ZNF558: variants seen among roughly 807,000 people sequenced by gnomAD.
ZNF558 encodes zinc finger protein 558.
ZNF558 carries 23 observed loss-of-function variants against 37.6 expected under a neutral mutation model. The observed-to-expected ratio is 0.61, with a 90% CI of 0.44 to 0.87. ZNF558 has a LOEUF of 0.87. ZNF558 is among the 40% of genes least tolerant of loss of function. ZNF558 has a pLI of 0.00. For missense variants in ZNF558, 429 were observed against 483.7 expected (o/e 0.89, Z 1.06); for synonymous variants, 189 against 174.4 (o/e 1.08, Z -0.66).
In ZNF558 at chr19:8,813,111, T is replaced by A. The variant is rs781953739; in HGVS notation, c.343+16A>T. 4.5e-6 allele frequency: 7 copies of A among 1,566,584 alleles called. No individual in the cohort carries two copies. The South Asian group carries it at 7.0e-5, about 16-fold the overall frequency. ...GAGCTATTCCTCACAAGGGCTCATA[T>A]CCACCTGGTGCTCACCTGGACAGGT... On this transcript the variant is annotated intron_variant, in intron 8 of 9. Transcript: ENST00000601372.
chr19:8,832,044 C>A (rs2044372247), intron 1 of ZNF558, 165 bp downstream of exon 1: 1 of 152,388 alleles, frequency 6.6e-6, no homozygotes, highest in African/African-American at 2.4e-5. Context: ...GGCGCGGGGC[C>A]CCGACCCAGG....
intron 9 of ZNF558, 101 bp downstream of exon 9, chr19:8,812,460 G>A (rs2043819493): frequency 2.8e-6 from 2 of 708,784 alleles, no homozygotes; most frequent in East Asian, 5.6e-5. Context: ...AATTATAAAT[G>A]ACACTTTCCT....
chr19:8,821,750 T>A, intron 6 of ZNF558: 3 of 1,338,366 alleles, frequency 2.2e-6, no homozygotes, highest in Non-Finnish European at 2.9e-6. Flanking sequence ...CATCACGTCT[T>A]TACTTGGCTT....
chr19:8,821,434 G>A, intron 6 of ZNF558, 128 bp from the exon 7 acceptor site: 1 of 1,570,336 alleles, frequency 6.4e-7, no homozygotes, highest in Non-Finnish European at 8.6e-7. Flanking sequence ...GGGTGGTTCT[G>A]AGCTCACCTC....
chr19:8,822,816 T>C lies in ZNF558; in HGVS notation c.-65-92A>G. On this transcript the variant is annotated intron_variant, in intron 4 of 9. Transcript: ENST00000601372. The surrounding 1 kb of genome is among the most constrained non-coding windows in gnomAD (Gnocchi z 4.4). ...CTCCTCAACCCATCCTTCCCATCCTTCTTCAAATGCAAGTTCCGGCTTCCA... is the reference window on the plus strand; with the variant it reads ...CTCCTCAACCCATCCTTCCCATCCTCCTTCAAATGCAAGTTCCGGCTTCCA... 1 of 1,156,998 alleles carries C rather than the reference T, an allele frequency of 8.6e-7. No individual in the cohort carries two copies. The allele number at this position is 1,156,998 out of a possible 1,614,324, so 71.7% of individuals were successfully genotyped here. A position where few individuals can be genotyped will look rare whatever the true frequency, so the allele number is the denominator to read the frequency against.
chr19:8,828,708 T>C (rs1362374456), intron 2 of ZNF558, among the ~76,000 whole-genome samples: 3 of 152,156 alleles, frequency 2.0e-5, no homozygotes, highest in Non-Finnish European at 4.4e-5. Flanking sequence ...ATGTCTGTAA[T>C]CCCAGCACTT....
Position 8,811,482 on chromosome 19 carries a change from A to G in ZNF558, c.1008T>C (p.Thr336=). The part of the protein sequence containing the change: ...GKSFSSSFSL[T]VHKRIHTGEK... ...CTCCGGTATGTATTCTCTTGTGCAC[A>G]GTAAGAGAAAAGCTACTGCTGAAGG... The change falls in exon 10 of 10, where the codon ACT becomes ACC. Residue 336 remains threonine, a synonymous_variant. Coordinates refer to ENST00000601372, the MANE Select transcript of ZNF558 (RefSeq NM_144693.3). 1.9e-6 allele frequency: 3 copies of G among 1,614,140 alleles called. No homozygotes were observed. The highest frequency in any genetic ancestry group is 2.5e-6 in the Non-Finnish European group (3 of 1,179,992).
chr19:8,829,370 G>A (rs780672729), intron 2 of ZNF558, among the ~76,000 whole-genome samples: 3 of 151,980 alleles, frequency 2.0e-5, no homozygotes, highest in Non-Finnish European at 4.4e-5. Context: ...TCTATCTATC[G>A]TAGCAACCCT....
At position 8,822,865 on chromosome 19, in the gene ZNF558, C is replaced by G; in HGVS notation, c.-65-141G>C. ...CACACTGGGCCTTTATTTTGCTGAG[C>G]AGGCAATGAATTCAGGGCCACCTGA... is the stretch of plus-strand genomic sequence containing the variant. On this transcript the variant is annotated intron_variant, in intron 4 of 9. Coordinates refer to ENST00000601372, the MANE Select transcript of ZNF558 (RefSeq NM_144693.3). This position sits in a 1 kb window ranked among gnomAD's most constrained non-coding sequence, Gnocchi z 4.4. 1 of 746,010 alleles carries G rather than the reference C, an allele frequency of 1.3e-6. No individual in the cohort carries two copies. The highest frequency in any genetic ancestry group is 1.8e-5 in the South Asian group (1 of 56,664). The allele number at this position is 746,010 out of a possible 1,614,324, so 46.2% of individuals were successfully genotyped here. A position where few individuals can be genotyped will look rare whatever the true frequency, so the allele number is the denominator to read the frequency against.
rs193116581 is a variant in ZNF558, at chr19:8,816,386, T to C, written c.248-3164A>G. Among the ~76,000 whole-genome samples the C allele has an allele frequency of 2.4e-4, 37 of 152,202 alleles. 1 individual carries two copies. The highest frequency in any genetic ancestry group is 2.0e-3 in the Admixed American group (31 of 15,278). ...CATCAAACACATATTAATCAAACTGTTGAAAGACAAAGGCAGCATCCTAAA... is the reference window on the plus strand; with the variant it reads ...CATCAAACACATATTAATCAAACTGCTGAAAGACAAAGGCAGCATCCTAAA... On this transcript the variant is annotated intron_variant, in intron 7 of 9. Coordinates refer to ENST00000601372, the MANE Select transcript of ZNF558 (RefSeq NM_144693.3).
intron 7 of ZNF558, among the ~76,000 whole-genome samples, chr19:8,818,544 CA>C (rs2043999875): frequency 6.6e-6 from 1 of 152,046 alleles, no homozygotes; most frequent in Non-Finnish European, 1.5e-5. Flanking sequence ...CAATCACTAT[CA>C]AAATTCTGAG....
intron 8 of ZNF558, among the ~76,000 whole-genome samples, chr19:8,812,879 A>G (rs1230107082): frequency 6.6e-6 from 1 of 152,210 alleles, no homozygotes. Flanking sequence ...ACTTGACTGA[A>G]ATTTTCAAAA....
Position 8,822,025 on chromosome 19 carries a change from T to A in ZNF558, c.98A>T (p.Glu33Val). Reference sequence around the variant, plus strand: ...CACCCGTAGCCAGCTTGTCAGGAGCTCATTAACCAGCTCTCCGCCCTGTGT... The same window carrying A: ...CACCCGTAGCCAGCTTGTCAGGAGCACATTAACCAGCTCTCCGCCCTGTGT... ...GHTQGGELVNELLTSWLRGLV... is the reference protein window; with the variant it reads ...GHTQGGELVNVLLTSWLRGLV... The change falls in exon 6 of 10, where the codon GAG (glutamate) becomes GTG (valine). Residue 33 changes from glutamate to valine, a missense_variant. Physicochemically the swap from Glu to Val is moderately radical, Grantham distance 121 (BLOSUM62 -2). Coordinates refer to ENST00000601372, the MANE Select transcript of ZNF558 (RefSeq NM_144693.3). The surrounding 1 kb of genome is among the most constrained non-coding windows in gnomAD (Gnocchi z 4.4). 1.2e-6 allele frequency: 2 copies of A among 1,613,976 alleles called. No individual in the cohort carries two copies. Among genetic ancestry groups the A allele is most frequent in the African/African-American group, 1.3e-5 (1 of 75,012 alleles).
At chr19:8,816,039 T>C (rs375655986) in intron 7 of ZNF558, among the ~76,000 whole-genome samples, 12 of 136,588 alleles carry the variant, frequency 8.8e-5, no homozygotes, top group African/African-American at 2.4e-4. Context: ...TTTGAAAAAA[T>C]AGAGATTCAT....
chr19:8,822,497 A>G lies in ZNF558; in HGVS notation c.31+132T>C. 4 of 1,288,606 alleles carry G rather than the reference A, an allele frequency of 3.1e-6. No homozygotes were observed. Among genetic ancestry groups the G allele is most frequent in the Non-Finnish European group, 4.4e-6 (4 of 911,280 alleles). The allele number at this position is 1,288,606 out of a possible 1,614,324, so 79.8% of individuals were successfully genotyped here. A position where few individuals can be genotyped will look rare whatever the true frequency, so the allele number is the denominator to read the frequency against. On this transcript the variant is annotated intron_variant, in intron 5 of 9. Transcript: ENST00000601372. This position sits in a 1 kb window ranked among gnomAD's most constrained non-coding sequence, Gnocchi z 4.4. ...AATCCCGAGAGCTGCCCGATCAGAC[A>G]CGGAGGACCTCTGGGCCCCTGGGGC...
intron 7 of ZNF558, among the ~76,000 whole-genome samples, chr19:8,817,728 T>C (rs1202661928): frequency 6.6e-6 from 1 of 152,194 alleles, no homozygotes; most frequent in Non-Finnish European, 1.5e-5. Flanking sequence ...ACAATAAAAA[T>C]TGTTATAAAA....
At position 8,822,360 on chromosome 19, in the gene ZNF558, G is replaced by T. The variant is rs984888900; in HGVS notation, c.31+269C>A. 9.2e-5 allele frequency among the ~76,000 whole-genome samples: 14 copies of T among 152,328 alleles called. No homozygotes were observed. In the East Asian group the frequency reaches 2.7e-3, roughly 29 times the overall value. On this transcript the variant is annotated intron_variant, in intron 5 of 9. Coordinates refer to ENST00000601372, the MANE Select transcript of ZNF558 (RefSeq NM_144693.3). This position sits in a 1 kb window ranked among gnomAD's most constrained non-coding sequence, Gnocchi z 4.4. ...ACAGATGAGGAAACAAGTTCCAAGG[G>T]CGTCACTGTGTTTTTATCAGATTCA...
chr19:8,815,114 C>T (rs1398448708), intron 7 of ZNF558, among the ~76,000 whole-genome samples: 1 of 151,964 alleles, frequency 6.6e-6, no homozygotes, highest in African/African-American at 2.4e-5. Flanking sequence ...GGGCCCATTA[C>T]AAGAAAAATG....
intron 9 of ZNF558, 60 bp downstream of exon 9, chr19:8,812,501 T>G: frequency 8.2e-7 from 1 of 1,218,870 alleles, no homozygotes. Context: ...TTTGTGCCCT[T>G]TCTAAACTTA....
Sources: allele counts gnomAD v4.1 joint callset (sites outside exome capture counted in the v4.1 genomes callset), GRCh38; gene constraint gnomAD v4.1.1; non-coding constraint Gnocchi (gnomAD v3.1); transcripts MANE v1.5; gene names NCBI Gene and HGNC (gene_info 2026-07-23, HGNC 2026-07-21).